PLCG2: variants seen among roughly 807,000 people sequenced by gnomAD.
PLCG2 encodes phospholipase C gamma 2.
In PLCG2, 69 loss-of-function variants were observed where a neutral mutation model predicts 175.6. That is an observed-to-expected ratio of 0.39 (90% CI 0.32 to 0.48). The LOEUF is 0.48. Among genes scored for constraint, PLCG2 ranks in the 20% least tolerant of loss-of-function variants. The probability of loss-of-function intolerance (pLI) is 0.91; values close to 1 mark genes in which losing one functional copy is unlikely to be tolerated. For missense variants in PLCG2, 1,798 were observed against 1,650.9 expected, an observed-to-expected ratio of 1.09 and a Z score of -1.54; for synonymous variants, 827 against 624.0, an observed-to-expected ratio of 1.33 and a Z score of -4.85.
chr16:81,932,416 T>C (rs1345287691), intron 25 of PLCG2, among the ~76,000 whole-genome samples: 2 of 152,130 alleles, frequency 1.3e-5, no homozygotes, highest in Non-Finnish European at 2.9e-5. Context: ...GATGATGGAG[T>C]AAGGGCTGTC....
intron 1 of PLCG2, among the ~76,000 whole-genome samples, chr16:81,752,895 C>G (rs919517587): frequency 1.5e-4 from 23 of 152,256 alleles, no homozygotes; most frequent in African/African-American, 5.5e-4. Context: ...GCACTGCCAC[C>G]TGTCAACTCG....
At chr16:81,943,967 C>T (rs1489675282) in intron 30 of PLCG2, among the ~76,000 whole-genome samples, 1 of 152,178 alleles carries the variant, frequency 6.6e-6, no homozygotes, top group East Asian at 1.9e-4. Context: ...TTCTGTGTCC[C>T]ATGGGCTCAT....
chr16:81,794,173 C>G (rs77861546), intron 2 of PLCG2, among the ~76,000 whole-genome samples: 26,776 of 152,066 alleles, frequency 0.18, 2,868 homozygotes, highest in Non-Finnish European at 0.25. Flanking sequence ...GAAAAGACCA[C>G]AAACACAGCC....
chr16:81,962,185 T>C lies in PLCG2; in HGVS notation c.*4187T>C. 5.6e-6 allele frequency: 1 copy of C among 177,840 alleles called. No homozygotes were observed. Among genetic ancestry groups the C allele is most frequent in the East Asian group, 9.0e-5 (1 of 11,096 alleles). The allele number at this position is 177,840 out of a possible 1,614,324, so 11.0% of individuals were successfully genotyped here. A position where few individuals can be genotyped will look rare whatever the true frequency, so the allele number is the denominator to read the frequency against. ...CTCAAGATTGCTGATCTAGGGCCAC[T>C]AAGTGATGAATTGTATTTGGAAGCA... On this transcript the variant is annotated 3_prime_UTR_variant, in exon 33 of 33. Transcript: ENST00000564138.
At chr16:81,946,362 T>A in intron 31 of PLCG2, 99 bp downstream of exon 31, 1 of 838,992 alleles carries the variant, frequency 1.2e-6, no homozygotes, top group Non-Finnish European at 2.1e-6. Flanking sequence ...CTTAAGCCCA[T>A]TCAGAATTGT....
At chr16:81,848,181 TATC>T (rs1264662273) in intron 2 of PLCG2, among the ~76,000 whole-genome samples, 5 of 152,296 alleles carry the variant, frequency 3.3e-5, no homozygotes, top group Non-Finnish European at 5.9e-5. Context: ...CCCACACAAA[TATC>T]ATCAACTGAT....
chr16:81,938,635 A>G, intron 28 of PLCG2, 166 bp from the exon 29 acceptor site: 1 of 598,068 alleles, frequency 1.7e-6, no homozygotes, highest in Non-Finnish European at 3.0e-6. Context: ...ACCACAGTCC[A>G]CCTTCATCCA....
Position 81,956,847 on chromosome 16 carries a change from G to A in PLCG2, c.3723G>A (p.Gln1241=), listed in dbSNP as rs1468019529. The change falls in exon 32 of 33, where the codon CAG becomes CAA. Residue 1241 remains glutamine (Q), a synonymous_variant. Transcript: ENST00000564138. ...LVKEFSVNEN[Q]LQLYQEKCNK... ...AAGAGTTCAGTGTTAATGAGAACCA[G>A]CTCCAGCTGTACCAGGAGAAATGCA... The A allele has an allele frequency of 6.2e-7, 1 of 1,614,022 alleles. No homozygotes were observed. Among genetic ancestry groups the A allele is most frequent in the South Asian group, 1.1e-5 (1 of 91,030 alleles).
chr16:81,776,603 G>A (rs1463492606), upstream of PLCG2, among the ~76,000 whole-genome samples: 3 of 151,792 alleles, frequency 2.0e-5, no homozygotes, highest in African/African-American at 7.3e-5. Context: ...CACCTATGCT[G>A]GAGTGCAGTG....
At chr16:81,891,150 A>T (rs893210913) in intron 10 of PLCG2, among the ~76,000 whole-genome samples, 2 of 152,194 alleles carry the variant, frequency 1.3e-5, no homozygotes, top group Non-Finnish European at 2.9e-5. Flanking sequence ...GCAACAGAGC[A>T]TGACTCAGTG....
chr16:81,928,698 C>T, intron 24 of PLCG2, 74 bp downstream of exon 24: 2 of 980,816 alleles, frequency 2.0e-6, no homozygotes, highest in Non-Finnish European at 3.3e-6. Flanking sequence ...CCGCCCTACA[C>T]AGGGAGGTGG....
At chr16:81,772,885 T>G (rs1276972747) in intron 2 of PLCG2, among the ~76,000 whole-genome samples, 1 of 152,120 alleles carries the variant, frequency 6.6e-6, no homozygotes, top group Admixed American at 6.5e-5. Context: ...AAGGGAGACC[T>G]TCGGATGCCT....
At position 81,837,181 on chromosome 16, in the gene PLCG2, C is replaced by T. The variant is rs552135876; in HGVS notation, c.194-17263C>T. On this transcript the variant is annotated intron_variant, in intron 2 of 32. Transcript: ENST00000564138. ...AACTCAAAGAACGAGAATACATATA[C>T]ATGCAGTGCTGCTTCAGATGGAAGT... Among the ~76,000 whole-genome samples the T allele has an allele frequency of 8.1e-4, 123 of 152,316 alleles. No homozygotes were observed. In the Middle Eastern group the frequency reaches 0.014, roughly 17 times the overall value.
At chr16:81,797,837 CT>C (rs35558572) in intron 2 of PLCG2, among the ~76,000 whole-genome samples, 128 of 145,482 alleles carry the variant, frequency 8.8e-4, no homozygotes, top group East Asian at 1.2e-3. Flanking sequence ...TTTTTCTTGT[CT>C]TTTTTTTTTT....
chr16:81,886,081 G>A (rs1002566051), intron 9 of PLCG2, among the ~76,000 whole-genome samples: 3 of 152,180 alleles, frequency 2.0e-5, no homozygotes, highest in Non-Finnish European at 4.4e-5. Flanking sequence ...ATTCAGTTTA[G>A]TAGGGAACGA....
intron 2 of PLCG2, among the ~76,000 whole-genome samples, chr16:81,807,939 C>G (rs57626691): frequency 6.6e-6 from 1 of 152,130 alleles, no homozygotes; most frequent in African/African-American, 2.4e-5. Flanking sequence ...GGTGCAAAAC[C>G]GTTAATGAGC....
At chr16:81,933,576 G>T (rs2966242) in intron 25 of PLCG2, among the ~76,000 whole-genome samples, 11 of 143,928 alleles carry the variant, frequency 7.6e-5, no homozygotes, top group South Asian at 2.2e-4. Context: ...GCTGTTTTTT[G>T]TTTTTTTTTT....
chr16:81,928,616 A>G lies in PLCG2; in HGVS notation c.2573A>G (p.Tyr858Cys), dbSNP rs778175100. 6.2e-7 allele frequency: 1 copy of G among 1,602,528 alleles called. No individual in the cohort carries two copies. Among genetic ancestry groups the G allele is most frequent in the African/African-American group, 1.3e-5 (1 of 74,804 alleles). The change falls in exon 24 of 33, where the codon TAT (tyrosine) becomes TGT (cysteine). Residue 858 changes from tyrosine (Y) to cysteine (C), a missense_variant. Coordinates refer to ENST00000564138, the MANE Select transcript of PLCG2 (RefSeq NM_002661.5). ...AGAGGAATATTGGACCTCAATACCT[A>G]TAACGTCGGTACGTGCACACATCAT... ...LCRGILDLNT[Y>C]NVVKAPQGKN...
At chr16:81,953,029 T>G (rs1030220649) in intron 31 of PLCG2, among the ~76,000 whole-genome samples, 1 of 152,190 alleles carries the variant, frequency 6.6e-6, no homozygotes, top group Non-Finnish European at 1.5e-5. Context: ...AAGGGTACAT[T>G]GCTTCTGTGA....
Sources: gnomAD v4.1 joint callset for allele counts (sites outside exome capture counted in the v4.1 genomes callset) on GRCh38, gnomAD v4.1.1 for gene constraint, MANE v1.5 for transcripts, NCBI Gene and HGNC (gene_info 2026-07-23, HGNC 2026-07-21) for gene names.